The following VCP variants were observed in gnomAD, a reference collection of about 807,000 sequenced individuals.
VCP encodes the protein valosin containing protein, also known as transitional endoplasmic reticulum ATPase.
VCP carries 6 observed loss-of-function variants against 85.7 expected under a neutral mutation model. That is an observed-to-expected ratio of 0.07 (90% confidence interval 0.04 to 0.14). The LOEUF is 0.14. Among genes scored for constraint, VCP ranks in the 10% least tolerant of loss-of-function variants. VCP has a pLI of 1.00. For missense variants in VCP, 353 were observed against 1,043.4 expected (o/e 0.34, Z 9.12); for synonymous variants, 384 against 367.1 (o/e 1.05, Z -0.53).
chr9:35,062,198 C>A lies in VCP; in HGVS notation c.945+19G>T. 6.2e-7 allele frequency: 1 copy of A among 1,614,142 alleles called. No homozygotes were observed. Among genetic ancestry groups the A allele is most frequent in the African/African-American group, 1.3e-5 (1 of 75,020 alleles). On this transcript the variant is annotated intron_variant, in intron 8 of 16. Transcript: ENST00000358901. Reference sequence around the variant, plus strand: ...CAGGGCCTTTCAACCCCCCTCTATCCCCTCAGGTAAGCTCCTACTTTCTCT... The same window carrying A: ...CAGGGCCTTTCAACCCCCCTCTATCACCTCAGGTAAGCTCCTACTTTCTCT...
chr9:35,071,424 C>T (rs1828942404), intron 1 of VCP, among the ~76,000 whole-genome samples: 1 of 149,454 alleles, frequency 6.7e-6, no homozygotes, highest in Non-Finnish European at 1.5e-5. Context: ...CCCCAGAGCC[C>T]GGGTAATTTC....
At chr9:35,068,946 T>G (rs1297915041) in intron 1 of VCP, among the ~76,000 whole-genome samples, 1 of 152,170 alleles carries the variant, frequency 6.6e-6, no homozygotes, top group Non-Finnish European at 1.5e-5. Flanking sequence ...ATTAACAGTA[T>G]AGAGTAAAGC....
At chr9:35,069,671 C>G (rs750823797) in intron 1 of VCP, among the ~76,000 whole-genome samples, 1 of 152,070 alleles carries the variant, frequency 6.6e-6, no homozygotes, top group Non-Finnish European at 1.5e-5. Flanking sequence ...AGGCTGGTCT[C>G]GAACTCCTGA....
chr9:35,056,923 T>G lies in VCP; in HGVS notation c.*194A>C. 1 of 622,788 alleles carries G rather than the reference T, an allele frequency of 1.6e-6. No individual in the cohort carries two copies. 38.6% of individuals were successfully genotyped at this position (622,788 alleles called of 1,614,324 possible). ...CTCCGCCTACCAAATGAAAATCGCT[T>G]TTATTTTATCGCTTTTGTTTTGTAT... On this transcript the variant is annotated 3_prime_UTR_variant, in exon 17 of 17. Coordinates refer to ENST00000358901, the MANE Select transcript of VCP (RefSeq NM_007126.5).
rs563704866 is a variant in VCP, at chr9:35,071,946, C to T, written c.17+391G>A. The T allele has an allele frequency of 2.1e-4, 222 of 1,051,486 alleles. 1 individual carries two copies. The highest frequency in any genetic ancestry group is 2.5e-4 in the Non-Finnish European group (219 of 870,876). 65.1% of individuals were successfully genotyped at this position (1,051,486 alleles called of 1,614,324 possible). A position where few individuals can be genotyped will look rare whatever the true frequency, so the allele number is the denominator to read the frequency against. ...GCCTGCTCTCTCCGGGGACCAAAGG[C>T]TTTCGGCGGGTGGTAGGCCGGACGG... On this transcript the variant is annotated intron_variant, in intron 1 of 16. Transcript: ENST00000358901.
rs1445854160 is a variant in VCP, at chr9:35,072,476, C to G, written c.-123G>C. 86 of 1,264,048 alleles carry G rather than the reference C, an allele frequency of 6.8e-5. 2 individuals are homozygous for G. In the South Asian group the frequency reaches 1.5e-3, roughly 22 times the overall value. 78.3% of individuals were successfully genotyped at this position (1,264,048 alleles called of 1,614,324 possible). ...GCGGTGGGCGAGCAGCGGCGACAAACCCGCAAGCGGCTTCCCTCTCGCTTC... is the reference window on the plus strand; with the variant it reads ...GCGGTGGGCGAGCAGCGGCGACAAAGCCGCAAGCGGCTTCCCTCTCGCTTC... On this transcript the variant is annotated 5_prime_UTR_variant, in exon 1 of 17. Coordinates refer to ENST00000358901, the MANE Select transcript of VCP (RefSeq NM_007126.5).
At position 35,059,157 on chromosome 9, in the gene VCP, C is replaced by T. The variant is rs774541798; in HGVS notation, c.2067G>A (p.Glu689=). The change falls in exon 15 of 17, where the codon GAG becomes GAA. Residue 689 remains glutamate, a synonymous_variant. Transcript: ENST00000358901. This position sits in a 1 kb window ranked among gnomAD's most constrained non-coding sequence, Gnocchi z 4.9. The stretch of plus-strand genomic sequence containing the variant: ...CCAGCTTGCAAGCACGCTGGCAAAT[C>T]TCTGTCAGGTCAGCTCCAGAGAAGC... ...TNGFSGADLT[E]ICQRACKLAI... is the part of the protein sequence containing the mutation. The T allele has an allele frequency of 6.2e-7, 1 of 1,614,166 alleles. No homozygotes were observed. The highest frequency in any genetic ancestry group is 1.7e-5 in the Admixed American group (1 of 60,022).
Position 35,072,479 on chromosome 9 carries a change from G to T in VCP, c.-126C>A. On this transcript the variant is annotated 5_prime_UTR_variant, in exon 1 of 17. Transcript: ENST00000358901. ...GTGGGCGAGCAGCGGCGACAAACCCGCAAGCGGCTTCCCTCTCGCTTCCTC... is the reference window on the plus strand; with the variant it reads ...GTGGGCGAGCAGCGGCGACAAACCCTCAAGCGGCTTCCCTCTCGCTTCCTC... 1 of 1,243,760 alleles carries T rather than the reference G, an allele frequency of 8.0e-7. No individual in the cohort carries two copies. The highest frequency in any genetic ancestry group is 1.0e-6 in the Non-Finnish European group (1 of 957,794). The allele number at this position is 1,243,760 out of a possible 1,614,324, so 77.0% of individuals were successfully genotyped here. A position where few individuals can be genotyped will look rare whatever the true frequency, so the allele number is the denominator to read the frequency against.
At chr9:35,071,657 GAAC>G in intron 1 of VCP, 1 of 962,506 alleles carries the variant, frequency 1.0e-6, no homozygotes, top group Non-Finnish European at 1.2e-6. Context: ...TTTCTAGTAT[GAAC>G]AACAGGCCTA....
Position 35,059,931 on chromosome 9 carries a change from G to A in VCP, c.1696-130C>T, listed in dbSNP as rs1828688477. 5.0e-6 allele frequency: 6 copies of A among 1,194,204 alleles called. No individual in the cohort carries two copies. In the East Asian group the frequency reaches 7.3e-5, roughly 15 times the overall value. 74.0% of individuals were successfully genotyped at this position (1,194,204 alleles called of 1,614,324 possible). A position where few individuals can be genotyped will look rare whatever the true frequency, so the allele number is the denominator to read the frequency against. ...GAGGATCACTTGAGGCCAGAAATCC[G>A]AAACCAGCATGGGCAACATACTGAG... On this transcript the variant is annotated intron_variant, in intron 13 of 16. Coordinates refer to ENST00000358901, the MANE Select transcript of VCP (RefSeq NM_007126.5). This position sits in a 1 kb window ranked among gnomAD's most constrained non-coding sequence, Gnocchi z 4.9.
At chr9:35,071,427 G>A (rs76189776) in intron 1 of VCP, among the ~76,000 whole-genome samples, 1 of 150,364 alleles carries the variant, frequency 6.7e-6, no homozygotes, top group Non-Finnish European at 1.5e-5. Flanking sequence ...CAGAGCCCGG[G>A]TAATTTCTCA....
Position 35,056,964 on chromosome 9 carries a change from C to A in VCP, c.*153G>T, listed in dbSNP as rs1053318. The A allele has an allele frequency of 0.2, 151,677 of 761,896 alleles. 16,083 individuals carry two copies. The highest frequency in any genetic ancestry group is 0.24 in the South Asian group (16,361 of 69,194). The allele number at this position is 761,896 out of a possible 1,614,324, so 47.2% of individuals were successfully genotyped here. A position where few individuals can be genotyped will look rare whatever the true frequency, so the allele number is the denominator to read the frequency against. On this transcript the variant is annotated 3_prime_UTR_variant, in exon 17 of 17. Coordinates refer to ENST00000358901, the MANE Select transcript of VCP (RefSeq NM_007126.5). ...TGTTTTGTATTTTTGCAACAGAAAC[C>A]CCCTGTCCAGAGTCAGACTGTAGCT...
At chr9:35,066,547 G>T in intron 4 of VCP, 128 bp downstream of exon 4, 1 of 1,357,226 alleles carries the variant, frequency 7.4e-7, no homozygotes, top group Non-Finnish European at 9.9e-7. Flanking sequence ...CTTAAAAAAT[G>T]AATAAATAAA....
intron 15 of VCP, chr9:35,057,775 T>A: frequency 1.8e-6 from 1 of 569,896 alleles, no homozygotes. Flanking sequence ...AGGGGAGATG[T>A]TGACTGAAGT....
At chr9:35,071,293 GTTTTTTTTTTTT>G (rs869178164) in intron 1 of VCP, among the ~76,000 whole-genome samples, 24 of 69,112 alleles carry the variant, frequency 3.5e-4, no homozygotes, top group South Asian at 7.2e-4. Context: ...GGCTGGCTGT[GTTTTTTTTTTTT>G]TTTTTTTTTT....
chr9:35,068,410 C>T (rs769205578), intron 1 of VCP, 48 bp from the exon 2 acceptor site: 7 of 1,504,084 alleles, frequency 4.7e-6, no homozygotes, highest in East Asian at 2.3e-5. Context: ...CCAAGCGCCT[C>T]GCCAGTCTCT....
At chr9:35,057,638 AC>A (rs1244844794) in intron 15 of VCP, 108 bp from the exon 16 acceptor site, 1 of 1,443,910 alleles carries the variant, frequency 6.9e-7, no homozygotes, top group Admixed American at 1.7e-5. Context: ...TTCCAATCCA[AC>A]CTGAGGTAAG....
intron 6 of VCP, 55 bp from the exon 7 acceptor site, chr9:35,063,135 T>G (rs1828760142): frequency 1.3e-6 from 2 of 1,550,256 alleles, no homozygotes; most frequent in Non-Finnish European, 1.8e-6. Context: ...AACCCTAAAA[T>G]GGCTTGACTA....
chr9:35,065,406 C>T (rs1452945028), intron 4 of VCP, 25 bp from the exon 5 acceptor site: 1 of 1,613,954 alleles, frequency 6.2e-7, no homozygotes, highest in Admixed American at 1.7e-5. Flanking sequence ...AGTACAAGCA[C>T]AGTTAGAGGT....
Sources: gnomAD v4.1 joint callset for allele counts (sites outside exome capture counted in the v4.1 genomes callset) on GRCh38, gnomAD v4.1.1 for gene constraint, Gnocchi (gnomAD v3.1) non-coding constraint, MANE v1.5 for transcripts, NCBI Gene and HGNC (gene_info 2026-07-23, HGNC 2026-07-21) for gene names.